The following CPNE4 variants were observed in gnomAD, a reference collection of about 807,000 sequenced individuals.
The protein encoded by CPNE4 is copine 4, also known as copine-4.
CPNE4 carries 25 observed loss-of-function variants against 67.9 expected under a neutral mutation model. That is an observed-to-expected ratio of 0.37 (90% CI 0.27 to 0.51). The LOEUF is 0.51. Ranked by LOEUF, CPNE4 falls within the 20% of genes least tolerant of loss-of-function variation. The pLI, the probability that CPNE4 is intolerant of heterozygous loss-of-function variation, is 0.93. For synonymous variants in CPNE4, 242 were observed against 244.9 expected, an observed-to-expected ratio of 0.99 and a Z score of 0.11; for missense variants, 464 against 690.8, an observed-to-expected ratio of 0.67 and a Z score of 3.68.
At chr3:131,568,735 G>A (rs1464191394) in intron 10 of CPNE4, among the ~76,000 whole-genome samples, 1 of 152,026 alleles carries the variant, frequency 6.6e-6, no homozygotes, top group African/African-American at 2.4e-5. Flanking sequence ...GGAAAAGGCT[G>A]GTTGCAAATG....
upstream of CPNE4, among the ~76,000 whole-genome samples, chr3:132,035,738 C>T (rs768336384): frequency 1.3e-5 from 2 of 152,168 alleles, no homozygotes; most frequent in Non-Finnish European, 2.9e-5. Flanking sequence ...ATGTCTGCTA[C>T]CATAGACAAA....
At chr3:131,883,471 AG>A (rs1317347854) in intron 2 of CPNE4, among the ~76,000 whole-genome samples, 1 of 152,250 alleles carries the variant, frequency 6.6e-6, no homozygotes, top group Non-Finnish European at 1.5e-5. Flanking sequence ...GGACAAATGC[AG>A]TAGCCTCCTG....
At chr3:131,893,870 C>A (rs577578425) in intron 2 of CPNE4, among the ~76,000 whole-genome samples, 1 of 151,468 alleles carries the variant, frequency 6.6e-6, no homozygotes, top group Non-Finnish European at 1.5e-5. Flanking sequence ...GAAAGATTTC[C>A]GATAAACAAC....
intron 2 of CPNE4, among the ~76,000 whole-genome samples, chr3:131,767,511 G>A (rs1468000728): frequency 3.9e-5 from 6 of 151,940 alleles, no homozygotes; most frequent in African/African-American, 9.7e-5. Context: ...GGCTCCCTTC[G>A]GCCTGACTAG....
chr3:131,704,286 C>T (rs2081369300), intron 3 of CPNE4, among the ~76,000 whole-genome samples: 1 of 152,170 alleles, frequency 6.6e-6, no homozygotes, highest in Non-Finnish European at 1.5e-5. Context: ...GTATCCATGG[C>T]TACTATCCAC....
chr3:131,841,961 AC>A (rs2085802775), intron 2 of CPNE4, among the ~76,000 whole-genome samples: 1 of 152,160 alleles, frequency 6.6e-6, no homozygotes, highest in Non-Finnish European at 1.5e-5. Flanking sequence ...TGTGTGTAAA[AC>A]AGCAGTGCTG....
chr3:131,723,624 A>C lies in CPNE4; in HGVS notation c.182T>G (p.Val61Gly). The C allele has an allele frequency of 6.2e-7, 1 of 1,608,334 alleles. No individual in the cohort carries two copies. Among genetic ancestry groups the C allele is most frequent in the Non-Finnish European group, 8.5e-7 (1 of 1,176,764 alleles). ...GGTGCGAATCACCTCAGTCCTGTCA[A>C]CCTGCAAGGAGAAAGAGAAAACCTA... ...KMQSHGQWFE[V>G]DRTEVIRTCI... The change falls in exon 3 of 16, where the codon GTT becomes GGT. Residue 61 changes from valine to glycine, a missense_variant and splice_region_variant. Transcript: ENST00000429747.
At chr3:131,542,956 G>A in intron 14 of CPNE4, 163 bp from the exon 15 acceptor site, 1 of 596,878 alleles carries the variant, frequency 1.7e-6, no homozygotes, top group Non-Finnish European at 3.0e-6. Context: ...AAGGCTTAGG[G>A]TTCTGATGAA....
chr3:131,799,077 C>T (rs1398761205), intron 2 of CPNE4, among the ~76,000 whole-genome samples: 2 of 152,028 alleles, frequency 1.3e-5, no homozygotes, highest in African/African-American at 2.4e-5. Context: ...GTTGTATTTA[C>T]TCACTTTGTG....
chr3:131,953,239 T>TAAAA (rs1167094357), intron 1 of CPNE4, among the ~76,000 whole-genome samples: 3 of 97,126 alleles, frequency 3.1e-5, no homozygotes, highest in Non-Finnish European at 5.9e-5. Context: ...AATGATCAAT[T>TAAAA]AAAAAAAAAA....
At chr3:131,578,469 T>C (rs141095270) in intron 9 of CPNE4, among the ~76,000 whole-genome samples, 6,845 of 152,140 alleles carry the variant, frequency 0.045, 494 homozygotes, top group African/African-American at 0.15. Flanking sequence ...AACCCTACAA[T>C]GGCCTCTAAG....
At chr3:131,916,167 T>G (rs879319995) in intron 1 of CPNE4, among the ~76,000 whole-genome samples, 8 of 152,260 alleles carry the variant, frequency 5.3e-5, no homozygotes, top group East Asian at 3.9e-4. Context: ...ATTTTGGCAC[T>G]GAAATAATTT....
chr3:131,657,574 CG>C (rs1285855701), intron 7 of CPNE4, among the ~76,000 whole-genome samples: 4 of 143,632 alleles, frequency 2.8e-5, no homozygotes, highest in African/African-American at 1.0e-4. Context: ...CTCACTCTGT[CG>C]CCAGGCTGGA....
chr3:131,901,371 A>C (rs61527320), intron 2 of CPNE4, among the ~76,000 whole-genome samples: 11,512 of 152,170 alleles, frequency 0.076, 580 homozygotes, highest in East Asian at 0.17. Context: ...TTACATAGCC[A>C]GGAGTTGATG....
intron 1 of CPNE4, among the ~76,000 whole-genome samples, chr3:132,002,323 C>A (rs2107665479): frequency 6.6e-6 from 1 of 152,256 alleles, no homozygotes; most frequent in Admixed American, 6.5e-5. Flanking sequence ...GTGACAGGAA[C>A]TAAGGCTCTC....
chr3:131,587,997 A>G (rs1438719839), intron 7 of CPNE4, among the ~76,000 whole-genome samples: 6 of 152,200 alleles, frequency 3.9e-5, no homozygotes, highest in Admixed American at 3.9e-4. Context: ...GTCCATCTAT[A>G]TAGCTTTCAC....
At chr3:131,967,139 T>G (rs951853707) in intron 1 of CPNE4, among the ~76,000 whole-genome samples, 2 of 152,174 alleles carry the variant, frequency 1.3e-5, no homozygotes, top group African/African-American at 2.4e-5. Context: ...ATTATCTCAA[T>G]AGATGCAGAA....
chr3:131,541,784 C>T (rs548798934), intron 15 of CPNE4, among the ~76,000 whole-genome samples: 1 of 152,226 alleles, frequency 6.6e-6, no homozygotes, highest in South Asian at 2.1e-4. Flanking sequence ...GATTCTCCTG[C>T]CTCAGCCTCC....
intron 2 of CPNE4, among the ~76,000 whole-genome samples, chr3:131,827,407 G>A (rs1443482099): frequency 6.6e-6 from 1 of 151,234 alleles, no homozygotes; most frequent in Non-Finnish European, 1.5e-5. Context: ...TGGGCAGCCA[G>A]TCTCATGGAC....
Sources: allele counts gnomAD v4.1 joint callset (sites outside exome capture counted in the v4.1 genomes callset), GRCh38; gene constraint gnomAD v4.1.1; transcripts MANE v1.5; gene names NCBI Gene and HGNC (gene_info 2026-07-23, HGNC 2026-07-21).